Variants in TULP1 observed in about 807,000 individuals in gnomAD.
TULP1 encodes the protein TUB like protein 1.
TULP1 carries 50 observed loss-of-function variants against 67.1 expected under a neutral mutation model. The ratio of observed to expected loss-of-function variants is 0.75; its 90% CI spans 0.59 to 0.94. The LOEUF (loss-of-function observed/expected upper bound fraction) is 0.94, where lower values mean the gene tolerates loss of function less well. TULP1 is among the 40% of genes least tolerant of loss of function. The pLI is 0.00. For missense variants in TULP1, 746 were observed against 734.1 expected, an observed-to-expected ratio of 1.02 and a Z score of -0.19; for synonymous variants, 297 against 294.0, an observed-to-expected ratio of 1.01 and a Z score of -0.11.
chr6:35,506,521 C>T (rs1452345019), intron 8 of TULP1, among the ~76,000 whole-genome samples: 7 of 152,252 alleles, frequency 4.6e-5, no homozygotes, highest in Non-Finnish European at 1.0e-4. Flanking sequence ...AGTTTCACCA[C>T]ACTGTAACTC....
intron 13 of TULP1, among the ~76,000 whole-genome samples, chr6:35,501,474 G>A (rs1438166637): frequency 7.2e-6 from 1 of 139,274 alleles, no homozygotes; most frequent in Non-Finnish European, 1.5e-5. Context: ...CTCTAGCCTG[G>A]GCTGGAGTGA....
In TULP1 at chr6:35,498,395, G is replaced by A; in HGVS notation, c.1561C>T (p.Pro521Ser). The part of the protein sequence containing the change: ...EDAFTLDYRY[P>S]LCALQAFAIA... ...GCGAAGGCCTGCAGGGCGCACAGCG[G>A]GTACCGGTAGTCTAGGGTGAAGGCG... The change falls in exon 15 of 15, where the codon CCG (proline) becomes TCG (serine). Residue 521 changes from proline to serine, a missense_variant. Transcript: ENST00000229771. This position sits in a 1 kb window ranked among gnomAD's most constrained non-coding sequence, Gnocchi z 6.7. 2 of 1,613,916 alleles carry A rather than the reference G, an allele frequency of 1.2e-6. No homozygotes were observed. Among genetic ancestry groups the A allele is most frequent in the South Asian group, 1.1e-5 (1 of 91,076 alleles).
At chr6:35,511,547 TAC>T in intron 4 of TULP1, 99 bp downstream of exon 4, 1 of 1,525,916 alleles carries the variant, frequency 6.6e-7, no homozygotes, top group Non-Finnish European at 8.9e-7. Flanking sequence ...GCTATTTGAC[TAC>T]AGTTGTTTTC....
In TULP1 at chr6:35,498,404, A is replaced by C; in HGVS notation, c.1552T>G (p.Tyr518Asp). 6.2e-7 allele frequency: 1 copy of C among 1,613,972 alleles called. No individual in the cohort carries two copies. The highest frequency in any genetic ancestry group is 1.3e-5 in the African/African-American group (1 of 75,058). The change falls in exon 15 of 15, where the codon TAC becomes GAC. Residue 518 changes from tyrosine (Y) to aspartate (D), a missense_variant. By Grantham distance (160) the Tyr-to-Asp change is radical. Around this residue, in one of 3 missense-constraint regions of TULP1, gnomAD observed 383 missense variants for 374.1 expected, o/e 1.02. Transcript: ENST00000229771. This position sits in a 1 kb window ranked among gnomAD's most constrained non-coding sequence, Gnocchi z 6.7. ...RVAEDAFTLD[Y>D]RYPLCALQAF... ...TGCAGGGCGCACAGCGGGTACCGGT[A>C]GTCTAGGGTGAAGGCGTCCTCCGCC...
rs756961618 is a variant in TULP1, at chr6:35,498,885, G to A, written c.1496-425C>T. On this transcript the variant is annotated intron_variant, in intron 14 of 14. Transcript: ENST00000229771. This position sits in a 1 kb window ranked among gnomAD's most constrained non-coding sequence, Gnocchi z 6.7. The stretch of plus-strand genomic sequence containing the variant: ...GACTAGCCCCTGGTTCCCTTCCTCA[G>A]CCTCACTGGGCACCTCTCCCTTCAA... 1.5e-4 allele frequency among the ~76,000 whole-genome samples: 23 copies of A among 152,014 alleles called. No individual in the cohort carries two copies. Among genetic ancestry groups the A allele is most frequent in the Non-Finnish European group, 3.2e-4 (22 of 67,996 alleles).
In TULP1 at chr6:35,505,829, G is replaced by A. The variant is rs767030473; in HGVS notation, c.1024C>T (p.Arg342Ter). Residue 342 changes from arginine to a stop codon, truncating the protein, a stop_gained, in exon 11 of 15, where the codon CGA becomes TGA. Transcript: ENST00000229771. LOFTEE classifies it high-confidence loss of function. ...KKVFLLAGRK[R>*]KRSKTANYLI... ...TAATTGGCTGTCTTGCTCCGTTTTC[G>A]TTTCCTGCCAGCCAAGAGGAACACC... is the stretch of plus-strand genomic sequence containing the variant. The A allele has an allele frequency of 1.2e-6, 2 of 1,614,210 alleles. No homozygotes were observed. Among genetic ancestry groups the A allele is most frequent in the Non-Finnish European group, 1.7e-6 (2 of 1,180,038 alleles).
At chr6:35,500,741 G>A (rs1043207101) in intron 13 of TULP1, among the ~76,000 whole-genome samples, 3 of 152,184 alleles carry the variant, frequency 2.0e-5, no homozygotes, top group Admixed American at 1.3e-4. Context: ...GAGTTTCCAT[G>A]ACACCTTGCT....
chr6:35,503,900 C>T lies in TULP1; in HGVS notation c.1113-52G>A, dbSNP rs1395899244. The stretch of plus-strand genomic sequence containing the variant: ...GGGCTGAGGGGATCCTACATCCCTG[C>T]CCCAGGCCCCTTCCACACAGCCAAG... On this transcript the variant is annotated intron_variant, in intron 11 of 14. Transcript: ENST00000229771. The surrounding 1 kb of genome is among the most constrained non-coding windows in gnomAD (Gnocchi z 4.0). 2.6e-5 allele frequency: 37 copies of T among 1,409,976 alleles called. No individual in the cohort carries two copies. The highest frequency in any genetic ancestry group is 5.7e-5 in the Admixed American group (3 of 52,554). The allele number at this position is 1,409,976 out of a possible 1,614,324, so 87.3% of individuals were successfully genotyped here.
In TULP1 at chr6:35,498,265, G is replaced by T; in HGVS notation, c.*62C>A. ...GAGCTTTGCTGGAGGGACCCTGCCA[G>T]CCTCCACTGAATCCTTTCCCCCACG... On this transcript the variant is annotated 3_prime_UTR_variant, in exon 15 of 15. Transcript: ENST00000229771. This position sits in a 1 kb window ranked among gnomAD's most constrained non-coding sequence, Gnocchi z 6.7. The T allele has an allele frequency of 6.3e-7, 1 of 1,596,616 alleles. No homozygotes were observed. The highest frequency in any genetic ancestry group is 8.5e-7 in the Non-Finnish European group (1 of 1,174,996).
rs550803160 is a variant in TULP1 at position 35,512,853 on chromosome 6, A to C, written c.6T>G (p.Pro2=). 2.5e-6 allele frequency: 4 copies of C among 1,612,848 alleles called. No individual in the cohort carries two copies. Among genetic ancestry groups the C allele is most frequent in the Middle Eastern group, 1.8e-4 (1 of 5,600 alleles). The part of the protein sequence containing the change: M[P]LRDETLREVW... ...CCTCTCGGAGGGTTTCATCCCGCAGAGGCATGGTGCCTTTGCCTATCGCAC... is the reference window on the plus strand; with the variant it reads ...CCTCTCGGAGGGTTTCATCCCGCAGCGGCATGGTGCCTTTGCCTATCGCAC... Residue 2 remains proline (P), a synonymous_variant, in exon 1 of 15, where the codon CCT becomes CCG. Transcript: ENST00000229771.
Position 35,510,887 on chromosome 6 carries a change from C to G in TULP1, c.473G>C (p.Arg158Thr), listed in dbSNP as rs1482895103. The change falls in exon 5 of 15, where the codon AGG becomes ACG. Residue 158 changes from arginine to threonine, a missense_variant. By Grantham distance (71) the Arg-to-Thr change is moderately conservative. Transcript: ENST00000229771. ...REKSSADLKE[R>T]RAKAQGPRGD... ...CCTTGGGCCCTGGGCCTTGGCCCTCCTCTCCTTCAGGTCTGCGGAGCTCTT... is the reference window on the plus strand; with the variant it reads ...CCTTGGGCCCTGGGCCTTGGCCCTCGTCTCCTTCAGGTCTGCGGAGCTCTT... The G allele has an allele frequency of 1.2e-6, 2 of 1,614,034 alleles. No homozygotes were observed. Among genetic ancestry groups the G allele is most frequent in the Non-Finnish European group, 1.7e-6 (2 of 1,180,034 alleles).
Position 35,498,196 on chromosome 6 carries a change from A to G in TULP1, c.*131T>C. 6 of 1,410,228 alleles carry G rather than the reference A, an allele frequency of 4.3e-6. No individual in the cohort carries two copies. Among genetic ancestry groups the G allele is most frequent in the Non-Finnish European group, 5.7e-6 (6 of 1,047,866 alleles). 87.4% of individuals were successfully genotyped at this position (1,410,228 alleles called of 1,614,324 possible). A position where few individuals can be genotyped will look rare whatever the true frequency, so the allele number is the denominator to read the frequency against. ...TGGGGAGAGGACGGAGGTCACCGAG[A>G]GGCAGTGAGAGGTCAGCCCCGACAC... is the stretch of plus-strand genomic sequence containing the variant. On this transcript the variant is annotated 3_prime_UTR_variant, in exon 15 of 15. Coordinates refer to ENST00000229771, the MANE Select transcript of TULP1 (RefSeq NM_003322.6). This position sits in a 1 kb window ranked among gnomAD's most constrained non-coding sequence, Gnocchi z 6.7.
At chr6:35,499,862 C>G in intron 14 of TULP1, 119 bp downstream of exon 14, 7 of 1,293,764 alleles carry the variant, frequency 5.4e-6, no homozygotes, top group Non-Finnish European at 7.8e-6. Flanking sequence ...TGTGGGATGT[C>G]CCAGCTCTCG....
Position 35,505,736 on chromosome 6 carries a change from C to T in TULP1, c.1112+5G>A. On this transcript the variant is annotated splice_donor_5th_base_variant and intron_variant, in intron 11 of 14. Transcript: ENST00000229771. ...TCCCCCCAGCCCCAGGAAGCCCAGC[C>T]CCACCTCAGCTTCCCGATGAAATTC... The T allele has an allele frequency of 6.2e-7, 1 of 1,614,184 alleles. No homozygotes were observed. Among genetic ancestry groups the T allele is most frequent in the South Asian group, 1.1e-5 (1 of 91,076 alleles).
chr6:35,512,138 C>T (rs886271728), intron 3 of TULP1, 42 bp downstream of exon 3: 4 of 1,253,820 alleles, frequency 3.2e-6, no homozygotes, highest in Non-Finnish European at 4.1e-6. Context: ...CCTTCCGCAG[C>T]CCACACCCTG....
chr6:35,500,056 A>C lies in TULP1; in HGVS notation c.1420T>G (p.Ser474Ala). 2 of 1,614,054 alleles carry C rather than the reference A, an allele frequency of 1.2e-6. No individual in the cohort carries two copies. The highest frequency in any genetic ancestry group is 1.7e-6 in the Non-Finnish European group (2 of 1,180,018). The change falls in exon 14 of 15, where the codon TCC (serine) becomes GCC (alanine). Residue 474 changes from serine to alanine, a missense_variant. Transcript: ENST00000229771. Reference sequence around the variant, plus strand: ...CGGCCTTGGAAGTTGAGGGTGTAGGAGCCACTGTCATCGTTCCAGACAGGT... The same window carrying C: ...CGGCCTTGGAAGTTGAGGGTGTAGGCGCCACTGTCATCGTTCCAGACAGGT... Reference protein sequence around the residue: ...KPPVWNDDSGSYTLNFQGRVT... With the variant: ...KPPVWNDDSGAYTLNFQGRVT...
chr6:35,502,378 G>A (rs1455663041), intron 13 of TULP1, among the ~76,000 whole-genome samples: 1 of 152,014 alleles, frequency 6.6e-6, no homozygotes, highest in Non-Finnish European at 1.5e-5. Flanking sequence ...ATTTTTAGTA[G>A]AGACGGGATT....
intron 13 of TULP1, among the ~76,000 whole-genome samples, chr6:35,501,974 C>T (rs1395327332): frequency 6.6e-6 from 1 of 152,090 alleles, no homozygotes; most frequent in Admixed American, 6.5e-5. Flanking sequence ...CTGGTGGTTC[C>T]TCCAGTCCAC....
chr6:35,498,488 G>A lies in TULP1; in HGVS notation c.1496-28C>T. 6.2e-7 allele frequency: 1 copy of A among 1,612,896 alleles called. No homozygotes were observed. The highest frequency in any genetic ancestry group is 1.7e-5 in the Admixed American group (1 of 59,992). ...ATGGACACAAGACGGGGTGGGGGCG[G>A]CCCGAGACCTCCTTGGACCCCCATC... is the stretch of plus-strand genomic sequence containing the variant. On this transcript the variant is annotated intron_variant, in intron 14 of 14. Transcript: ENST00000229771. This position sits in a 1 kb window ranked among gnomAD's most constrained non-coding sequence, Gnocchi z 6.7.
Sources: allele counts gnomAD v4.1 joint callset (sites outside exome capture counted in the v4.1 genomes callset), GRCh38; gene constraint gnomAD v4.1.1; regional missense constraint gnomAD v4.1.1; non-coding constraint Gnocchi (gnomAD v3.1); transcripts MANE v1.5; gene names NCBI Gene and HGNC (gene_info 2026-07-23, HGNC 2026-07-21).